SPATA13: variants seen among roughly 807,000 people sequenced by gnomAD.
SPATA13 encodes the protein spermatogenesis associated 13, also known as spermatogenesis-associated protein 13.
A neutral mutation model predicts 104.0 loss-of-function variants in SPATA13; 50 were observed. That is an observed-to-expected ratio of 0.48 (90% CI 0.38 to 0.61). The LOEUF is 0.61. SPATA13 is among the 20% of genes least tolerant of loss of function. The pLI is 0.00. For missense variants in SPATA13, 1,524 were observed against 1,690.6 expected, an observed-to-expected ratio of 0.90 and a Z score of 1.73; for synonymous variants, 606 against 667.5, an observed-to-expected ratio of 0.91 and a Z score of 1.42.
intron 1 of SPATA13, among the ~76,000 whole-genome samples, chr13:24,185,198 A>T (rs934293472): frequency 1.3e-5 from 2 of 152,130 alleles, no homozygotes; most frequent in African/African-American, 4.8e-5. Flanking sequence ...AGTAGATGCT[A>T]GTTTGTTACA....
intron 1 of SPATA13, among the ~76,000 whole-genome samples, chr13:24,206,890 CAAA>C (rs58744273): frequency 2.7e-4 from 38 of 141,074 alleles, no homozygotes; most frequent in Non-Finnish European, 2.2e-4. Flanking sequence ...AACTCTGTCT[CAAA>C]AAAAAAAAAA....
chr13:24,249,073 T>C (rs893126405), intron 2 of SPATA13, among the ~76,000 whole-genome samples: 3 of 152,176 alleles, frequency 2.0e-5, no homozygotes, highest in African/African-American at 7.2e-5. Flanking sequence ...TTTCTGCATG[T>C]TGCCCAGGCT....
chr13:24,211,100 T>C (rs1870988093), intron 1 of SPATA13, among the ~76,000 whole-genome samples: 2 of 152,234 alleles, frequency 1.3e-5, no homozygotes, highest in African/African-American at 2.4e-5. Context: ...GATTTTTCCA[T>C]GTTGATATTT....
chr13:24,049,233 T>C (rs2137738971), intron 3 of SPATA13, among the ~76,000 whole-genome samples: 1 of 152,356 alleles, frequency 6.6e-6, no homozygotes, highest in African/African-American at 2.4e-5. Context: ...TTTTAGTCAC[T>C]GATGCCTCGC....
chr13:24,302,396 A>T (rs1197251267), intron 12 of SPATA13, among the ~76,000 whole-genome samples: 1 of 140,012 alleles, frequency 7.1e-6, no homozygotes, highest in African/African-American at 2.6e-5. Context: ...TGGGAGGTAG[A>T]GATTGCAGTG....
chr13:23,983,759 G>A (rs933292904), exon 2 of SPATA13: 15 of 307,162 alleles, frequency 4.9e-5, no homozygotes, highest in African/African-American at 1.1e-4. Context: ...GCTCTGACAA[G>A]GGAAGATGAA....
chr13:24,025,749 C>G (rs1877180482), intron 3 of SPATA13, among the ~76,000 whole-genome samples: 1 of 152,024 alleles, frequency 6.6e-6, no homozygotes, highest in Non-Finnish European at 1.5e-5. Context: ...AGCTGTTAGC[C>G]ATTCACATTT....
intron 3 of SPATA13, among the ~76,000 whole-genome samples, chr13:24,119,462 T>A (rs1880963676): frequency 6.6e-6 from 1 of 152,170 alleles, no homozygotes; most frequent in African/African-American, 2.4e-5. Flanking sequence ...CAGCAGCTGC[T>A]AGATGTTTTT....
At chr13:24,132,170 A>G (rs920720299) in intron 3 of SPATA13, among the ~76,000 whole-genome samples, 4 of 152,246 alleles carry the variant, frequency 2.6e-5, no homozygotes, top group African/African-American at 9.6e-5. Context: ...TCTTAATGCT[A>G]CAGGATAAAT....
At chr13:24,252,508 T>C (rs534264559) in intron 4 of SPATA13, among the ~76,000 whole-genome samples, 12 of 152,294 alleles carry the variant, frequency 7.9e-5, no homozygotes, top group African/African-American at 2.9e-4. Context: ...ACGTATACCA[T>C]GTTTGTAACA....
chr13:24,271,412 G>A (rs4770640), intron 4 of SPATA13, among the ~76,000 whole-genome samples: 124,446 of 152,098 alleles, frequency 0.82, 50,988 homozygotes, highest in East Asian at 0.85. Context: ...AAGGCTGTGA[G>A]CTGATCTTTG....
intron 3 of SPATA13, among the ~76,000 whole-genome samples, chr13:24,038,654 A>G (rs1391223297): frequency 6.6e-6 from 1 of 152,136 alleles, no homozygotes; most frequent in Admixed American, 6.6e-5. Flanking sequence ...TTGCTGCGCG[A>G]ATGCAGCCAC....
chr13:24,087,421 C>G (rs1010051448), intron 3 of SPATA13, among the ~76,000 whole-genome samples: 7 of 152,156 alleles, frequency 4.6e-5, no homozygotes, highest in Non-Finnish European at 8.8e-5. Flanking sequence ...TCCTTTTAGT[C>G]GAAGACACCG....
chr13:24,009,531 C>T (rs368880875), intron 2 of SPATA13, among the ~76,000 whole-genome samples: 51 of 152,262 alleles, frequency 3.3e-4, no homozygotes, highest in African/African-American at 1.2e-3. Context: ...TTGGTTTGGT[C>T]TGGAAAGATG....
At chr13:24,052,354 C>T (rs375009216) in intron 3 of SPATA13, among the ~76,000 whole-genome samples, 8 of 151,622 alleles carry the variant, frequency 5.3e-5, no homozygotes, top group Admixed American at 4.6e-4. Flanking sequence ...GGCTGAGCAG[C>T]GTTAACGAGA....
At chr13:24,182,512 G>A (rs190933569) in intron 1 of SPATA13, among the ~76,000 whole-genome samples, 10 of 151,974 alleles carry the variant, frequency 6.6e-5, no homozygotes, top group African/African-American at 2.4e-4. Flanking sequence ...GAGAGAGAGC[G>A]CAGGAAAGAG....
At chr13:24,226,629 A>G (rs1016605384) in intron 2 of SPATA13, among the ~76,000 whole-genome samples, 7 of 152,232 alleles carry the variant, frequency 4.6e-5, no homozygotes, top group Non-Finnish European at 1.0e-4. Context: ...ATTGATTTGC[A>G]GGTATAGATG....
chr13:24,245,114 T>G (rs1291816559), intron 2 of SPATA13, among the ~76,000 whole-genome samples: 1 of 152,168 alleles, frequency 6.6e-6, no homozygotes, highest in Non-Finnish European at 1.5e-5. Flanking sequence ...GTTTCTTTGG[T>G]GCATCCGTGG....
At chr13:24,109,349 G>A (rs1240871717) in intron 3 of SPATA13, among the ~76,000 whole-genome samples, 6 of 152,032 alleles carry the variant, frequency 3.9e-5, no homozygotes, top group East Asian at 3.9e-4. Context: ...TTCTTAATCC[G>A]GTCTATCATT....
Sources: gnomAD v4.1 joint callset for allele counts (sites outside exome capture counted in the v4.1 genomes callset) on GRCh38, gnomAD v4.1.1 for gene constraint, MANE v1.5 for transcripts, NCBI Gene and HGNC (gene_info 2026-07-23, HGNC 2026-07-21) for gene names.